FBXW8: variants seen among roughly 807,000 people sequenced by gnomAD.
The protein encoded by FBXW8 is F-box/WD repeat-containing protein 8.
Under a neutral mutation model 65.3 loss-of-function variants are expected in FBXW8, and 57 were observed. That is an observed-to-expected ratio of 0.87 (90% CI 0.71 to 1.09). The LOEUF is 1.09. Ranked by LOEUF, FBXW8 falls within the 50% of genes least tolerant of loss-of-function variation. The pLI, the probability that FBXW8 is intolerant of heterozygous loss-of-function variation, is 0.00. For missense variants in FBXW8, 777 were observed against 814.8 expected, an observed-to-expected ratio of 0.95 and a Z score of 0.57; for synonymous variants, 308 against 330.2, an observed-to-expected ratio of 0.93 and a Z score of 0.73.
rs565951078 is a variant in FBXW8 at position 117,006,662 on chromosome 12, G to A, written c.1240-3661G>A. On this transcript the variant is annotated intron_variant, in intron 7 of 10. Coordinates refer to ENST00000652555, the MANE Select transcript of FBXW8 (RefSeq NM_153348.3). ...GGGTCTCCTCAGAGAGGCAGGCCCCGTCTATGGAGGAGCAGGACAGCTGAC... is the reference window on the plus strand; with the variant it reads ...GGGTCTCCTCAGAGAGGCAGGCCCCATCTATGGAGGAGCAGGACAGCTGAC... 2.3e-4 allele frequency among the ~76,000 whole-genome samples: 35 copies of A among 152,342 alleles called. No homozygotes were observed. In the East Asian group the frequency reaches 4.6e-3, roughly 20 times the overall value.
At chr12:116,994,848 A>T (rs181660301) in intron 7 of FBXW8, among the ~76,000 whole-genome samples, 8 of 152,304 alleles carry the variant, frequency 5.3e-5, no homozygotes. Context: ...GTCCACATGA[A>T]TGTATTTGTA....
intron 8 of FBXW8, among the ~76,000 whole-genome samples, chr12:117,019,541 C>G (rs539093866): frequency 1.4e-4 from 22 of 152,330 alleles, no homozygotes; most frequent in African/African-American, 5.3e-4. Context: ...GAAACAGTCT[C>G]TCCTCTGTGT....
At chr12:117,022,131 G>T (rs1954113869) in intron 8 of FBXW8, among the ~76,000 whole-genome samples, 1 of 152,128 alleles carries the variant, frequency 6.6e-6, no homozygotes, top group Admixed American at 6.5e-5. Context: ...TCTGGCCAAA[G>T]TCACTTGTTC....
chr12:117,010,292 G>A (rs746137877), intron 7 of FBXW8, 31 bp from the exon 8 acceptor site: 1 of 1,614,052 alleles, frequency 6.2e-7, no homozygotes, highest in East Asian at 2.2e-5. Flanking sequence ...GTGTGGAATT[G>A]TGGGCCCACA....
At chr12:116,930,181 G>C (rs914589747) in intron 2 of FBXW8, among the ~76,000 whole-genome samples, 3 of 152,200 alleles carry the variant, frequency 2.0e-5, no homozygotes, top group African/African-American at 7.2e-5. Context: ...TCCTTTGGAT[G>C]TATACCCAGC....
intron 3 of FBXW8, 63 bp downstream of exon 3, chr12:116,945,591 C>T: frequency 6.6e-7 from 1 of 1,516,086 alleles, no homozygotes. Context: ...GGAATCCAAG[C>T]TTTCACTCAT....
intron 7 of FBXW8, among the ~76,000 whole-genome samples, chr12:117,003,810 C>A (rs1489231870): frequency 6.6e-6 from 1 of 152,206 alleles, no homozygotes; most frequent in Non-Finnish European, 1.5e-5. Flanking sequence ...GTCAGTCTGT[C>A]ATTCTCTTTT....
intron 7 of FBXW8, among the ~76,000 whole-genome samples, chr12:117,007,493 C>T (rs1953706857): frequency 6.6e-6 from 1 of 152,202 alleles, no homozygotes; most frequent in African/African-American, 2.4e-5. Context: ...CAAAAATTTG[C>T]TCTGTAATTA....
intron 4 of FBXW8, among the ~76,000 whole-genome samples, chr12:116,963,136 A>G (rs1172311539): frequency 6.6e-6 from 1 of 152,172 alleles, no homozygotes; most frequent in African/African-American, 2.4e-5. Flanking sequence ...TTTATCCCAC[A>G]TGCGCACTCT....
At chr12:116,922,411 T>C (rs957924160) in intron 1 of FBXW8, among the ~76,000 whole-genome samples, 1 of 152,216 alleles carries the variant, frequency 6.6e-6, no homozygotes, top group Non-Finnish European at 1.5e-5. Context: ...AAAATGTTAT[T>C]GCAAATCTCT....
intron 3 of FBXW8, 30 bp from the exon 4 acceptor site, chr12:116,949,588 C>T: frequency 6.2e-7 from 1 of 1,608,760 alleles, no homozygotes. Flanking sequence ...CGAGAGCAGT[C>T]TAAACTGCAT....
Position 117,028,320 on chromosome 12 carries a change from C to A in FBXW8, c.*148C>A. ...TGCCTGACAGCACGCATCTCCCTGA[C>A]CCCTGCACTTCCCCCAGCGCCTGGG... is the stretch of plus-strand genomic sequence containing the variant. On this transcript the variant is annotated 3_prime_UTR_variant, in exon 11 of 11. Coordinates refer to ENST00000652555, the MANE Select transcript of FBXW8 (RefSeq NM_153348.3). The surrounding 1 kb of genome is among the most constrained non-coding windows in gnomAD (Gnocchi z 4.1). The A allele has an allele frequency of 1.1e-6, 1 of 949,798 alleles. No individual in the cohort carries two copies. The highest frequency in any genetic ancestry group is 1.5e-6 in the Non-Finnish European group (1 of 650,820). 58.8% of individuals were successfully genotyped at this position (949,798 alleles called of 1,614,324 possible). A position where few individuals can be genotyped will look rare whatever the true frequency, so the allele number is the denominator to read the frequency against.
intron 1 of FBXW8, among the ~76,000 whole-genome samples, chr12:116,924,798 A>G (rs1362670510): frequency 6.6e-6 from 1 of 152,214 alleles, no homozygotes; most frequent in Non-Finnish European, 1.5e-5. Context: ...TTTCAACCAC[A>G]GGGCCAAATA....
At chr12:116,978,469 AT>A (rs1191678485) in intron 5 of FBXW8, 11 of 152,204 alleles carry the variant, frequency 7.2e-5, no homozygotes, top group African/African-American at 2.7e-4. Context: ...CTCCTGATTA[AT>A]TTCTGATAGG....
chr12:116,921,750 G>C (rs1046802172), intron 1 of FBXW8, among the ~76,000 whole-genome samples: 8 of 149,556 alleles, frequency 5.3e-5, no homozygotes, highest in African/African-American at 1.7e-4. Flanking sequence ...CAGAAGAATA[G>C]AAGAAAATAA....
chr12:116,921,739 T>G (rs1042359605), intron 1 of FBXW8, among the ~76,000 whole-genome samples: 2 of 152,016 alleles, frequency 1.3e-5, no homozygotes, highest in Non-Finnish European at 2.9e-5. Context: ...TTTAGGAAAT[T>G]CAGAAGAATA....
chr12:117,003,841 CT>C (rs1486413192), intron 7 of FBXW8, among the ~76,000 whole-genome samples: 1 of 152,192 alleles, frequency 6.6e-6, no homozygotes, highest in Non-Finnish European at 1.5e-5. Flanking sequence ...CTCCTTTTGA[CT>C]GCTTTTAAGA....
intron 9 of FBXW8, among the ~76,000 whole-genome samples, 197 bp downstream of exon 9, chr12:117,024,517 G>C (rs1954181417): frequency 6.6e-6 from 1 of 152,162 alleles, no homozygotes; most frequent in Admixed American, 6.5e-5. Flanking sequence ...AAATGGCGCT[G>C]GTCAGTGGGG....
chr12:116,925,516 G>A (rs904223320), intron 1 of FBXW8, among the ~76,000 whole-genome samples: 45 of 152,156 alleles, frequency 3.0e-4, no homozygotes, highest in African/African-American at 8.9e-4. Flanking sequence ...TGGACCTTCC[G>A]TTAGTGTATT....
Sources: gnomAD v4.1 joint callset for allele counts (sites outside exome capture counted in the v4.1 genomes callset) on GRCh38, gnomAD v4.1.1 for gene constraint, Gnocchi (gnomAD v3.1) non-coding constraint, MANE v1.5 for transcripts, NCBI Gene and HGNC (gene_info 2026-07-23, HGNC 2026-07-21) for gene names.